FAM177B: variants seen among roughly 807,000 people sequenced by gnomAD.
FAM177B encodes the protein protein FAM177B.
A neutral mutation model predicts 16.1 loss-of-function variants in FAM177B; 16 were observed. The observed-to-expected ratio is 0.99, with a 90% CI of 0.67 to 1.51. The LOEUF (loss-of-function observed/expected upper bound fraction) is 1.51. FAM177B is among the 40% of genes most tolerant of loss of function. FAM177B has a pLI of 0.00. For missense variants in FAM177B, 178 were observed against 183.7 expected (o/e 0.97, Z 0.18); for synonymous variants, 56 against 59.9 (o/e 0.93, Z 0.30).
At chr1:222,740,569 A>G (rs931726020) in intron 2 of FAM177B, among the ~76,000 whole-genome samples, 1 of 152,172 alleles carries the variant, frequency 6.6e-6, no homozygotes, top group Non-Finnish European at 1.5e-5. Flanking sequence ...TGCATACTTC[A>G]CAACGTATCT....
At chr1:222,745,099 T>C (rs1273998103) in intron 2 of FAM177B, among the ~76,000 whole-genome samples, 1 of 152,242 alleles carries the variant, frequency 6.6e-6, no homozygotes, top group African/African-American at 2.4e-5. Flanking sequence ...GTTACAAATA[T>C]TCATTGTTTA....
chr1:222,745,469 T>A (rs992366824), intron 2 of FAM177B, among the ~76,000 whole-genome samples: 3 of 151,958 alleles, frequency 2.0e-5, no homozygotes, highest in African/African-American at 7.3e-5. Flanking sequence ...TTTTTTTAAT[T>A]AGCCAGGCTT....
At position 222,746,734 on chromosome 1, in the gene FAM177B, T is replaced by C; in HGVS notation, c.174+15T>C. The stretch of plus-strand genomic sequence containing the variant: ...CACTTGACCCTGTAAGCTTAGTATA[T>C]CAATATTAGGGAACATGGTGGGGGA... On this transcript the variant is annotated intron_variant, in intron 3 of 5. Transcript: ENST00000445590. 1 of 1,590,814 alleles carries C rather than the reference T, an allele frequency of 6.3e-7. No individual in the cohort carries two copies. Among genetic ancestry groups the C allele is most frequent in the Non-Finnish European group, 8.6e-7 (1 of 1,164,780 alleles).
intron 4 of FAM177B, chr1:222,749,246 A>G (rs1644505660): frequency 5.9e-6 from 3 of 509,326 alleles, no homozygotes; most frequent in Non-Finnish European, 1.1e-5. Flanking sequence ...TAGTTTATAT[A>G]TAATCCCATA....
rs771042451 is a variant in FAM177B, at chr1:222,746,588, G to A, written c.43G>A (p.Val15Ile). 20 of 1,611,000 alleles carry A rather than the reference G, an allele frequency of 1.2e-5. No individual in the cohort carries two copies. The highest frequency in any genetic ancestry group is 1.7e-5 in the Non-Finnish European group (20 of 1,177,426). ...CCAGCAGTTAGACCTAGAGAAGAGT[G>A]TACCTTCCAAAAAGACTACTCCTAA... Reference protein sequence around the residue: ...GFQQLDLEKSVPSKKTTPKRI... With the variant: ...GFQQLDLEKSIPSKKTTPKRI... Residue 15 changes from valine to isoleucine, a missense_variant, in exon 3 of 6, where the codon GTA becomes ATA. Coordinates refer to ENST00000445590, the MANE Select transcript of FAM177B (RefSeq NM_001394345.1).
chr1:222,745,108 T>C (rs539932765), intron 2 of FAM177B, among the ~76,000 whole-genome samples: 2 of 152,358 alleles, frequency 1.3e-5, no homozygotes, highest in South Asian at 2.1e-4. Context: ...ATTCATTGTT[T>C]ATTACTTTTA....
At position 222,744,028 on chromosome 1, in the gene FAM177B, C is replaced by G. The variant is rs556822532; in HGVS notation, c.-15-2503C>G. On this transcript the variant is annotated intron_variant, in intron 2 of 5. Transcript: ENST00000445590. ...CTCTCATCTCTATCCCTAGGTCTCTCTCTTTTTTCTGCTTCCTTAGTGTAC... is the reference window on the plus strand; with the variant it reads ...CTCTCATCTCTATCCCTAGGTCTCTGTCTTTTTTCTGCTTCCTTAGTGTAC... Among the ~76,000 whole-genome samples the G allele has an allele frequency of 5.3e-5, 8 of 152,276 alleles. No individual in the cohort carries two copies. In the South Asian group the frequency reaches 1.0e-3, roughly 20 times the overall value.
chr1:222,741,928 C>CTCTCTCTTTCTT (rs1553304203), intron 2 of FAM177B, among the ~76,000 whole-genome samples: 1 of 84,718 alleles, frequency 1.2e-5, no homozygotes, highest in African/African-American at 6.2e-5. Flanking sequence ...CTCTCTCTCT[C>CTCTCTCTTTCTT]TCTTTCTTTC....
Position 222,746,625 on chromosome 1 carries a change from A to G in FAM177B, c.80A>G (p.His27Arg), listed in dbSNP as rs2125064131. ...AAGACTACTCCTAAAAGGATTATCC[A>G]TTTTGTTGACGGAGACATCATGGAA... ...SKKTTPKRII[H>R]FVDGDIMEEY... Residue 27 changes from histidine to arginine, a missense_variant, in exon 3 of 6, where the codon CAT becomes CGT. Coordinates refer to ENST00000445590, the MANE Select transcript of FAM177B (RefSeq NM_001394345.1). 1 of 1,612,372 alleles carries G rather than the reference A, an allele frequency of 6.2e-7. No individual in the cohort carries two copies. Among genetic ancestry groups the G allele is most frequent in the Non-Finnish European group, 8.5e-7 (1 of 1,178,362 alleles).
rs759847391 is a variant in FAM177B at position 222,749,912 on chromosome 1, C to T, written c.340-9C>T. On this transcript the variant is annotated splice_polypyrimidine_tract_variant and intron_variant, in intron 5 of 5. Coordinates refer to ENST00000445590, the MANE Select transcript of FAM177B (RefSeq NM_001394345.1). The stretch of plus-strand genomic sequence containing the variant: ...CAGTTAAACATTTCCTTATTTCTCT[C>T]CAAAACAGAAAAGTGACAACAAAAG... 9 of 1,613,752 alleles carry T rather than the reference C, an allele frequency of 5.6e-6. No individual in the cohort carries two copies. In the African/African-American group the frequency reaches 1.2e-4, roughly 22 times the overall value.
At chr1:222,746,151 CAT>C (rs1658786124) in intron 2 of FAM177B, among the ~76,000 whole-genome samples, 1 of 152,144 alleles carries the variant, frequency 6.6e-6, no homozygotes, top group Admixed American at 6.5e-5. Flanking sequence ...ATACTTTGCA[CAT>C]GTTTTCTCCT....
intron 4 of FAM177B, among the ~76,000 whole-genome samples, chr1:222,748,471 A>G (rs1036176028): frequency 5.3e-5 from 8 of 152,116 alleles, no homozygotes; most frequent in Admixed American, 2.6e-4. Context: ...GCAGTGGTAA[A>G]ATGCTCCTGA....
intron 2 of FAM177B, among the ~76,000 whole-genome samples, chr1:222,739,229 T>G (rs548579168): frequency 3.3e-5 from 5 of 152,280 alleles, no homozygotes; most frequent in African/African-American, 1.2e-4. Context: ...TATTTAAGCT[T>G]TTTAGCTTGG....
intron 2 of FAM177B, among the ~76,000 whole-genome samples, chr1:222,739,159 G>A (rs1224535161): frequency 6.6e-6 from 1 of 152,154 alleles, no homozygotes. Flanking sequence ...AATTTGGACA[G>A]TCTTAAGAGG....
At chr1:222,743,487 A>G (rs1294208897) in intron 2 of FAM177B, among the ~76,000 whole-genome samples, 1 of 151,958 alleles carries the variant, frequency 6.6e-6, no homozygotes, top group African/African-American at 2.4e-5. Context: ...GATTCAGTAT[A>G]CCCTGTCTTG....
At chr1:222,747,134 T>C in intron 4 of FAM177B, 53 bp downstream of exon 4, 1 of 1,216,626 alleles carries the variant, frequency 8.2e-7, no homozygotes, top group Non-Finnish European at 1.2e-6. Flanking sequence ...TATATATCGA[T>C]AGGCCCTCAG....
At chr1:222,749,671 A>G in intron 5 of FAM177B, 109 bp downstream of exon 5, 1 of 740,536 alleles carries the variant, frequency 1.4e-6, no homozygotes, top group East Asian at 2.5e-5. Flanking sequence ...ATGTACTATA[A>G]TTTCACCAAG....
chr1:222,746,886 G>A (rs1658823164), intron 3 of FAM177B, 129 bp from the exon 4 acceptor site: 2 of 894,162 alleles, frequency 2.2e-6, no homozygotes, highest in South Asian at 1.6e-5. Context: ...TAATCATCTT[G>A]GTCTCTTCAT....
intron 3 of FAM177B, 98 bp from the exon 4 acceptor site, chr1:222,746,917 C>T: frequency 2.1e-6 from 2 of 962,806 alleles, no homozygotes; most frequent in South Asian, 2.7e-5. Flanking sequence ...GAAAATGGAA[C>T]ATATTATATA....
Sources: allele counts gnomAD v4.1 joint callset (sites outside exome capture counted in the v4.1 genomes callset), GRCh38; gene constraint gnomAD v4.1.1; transcripts MANE v1.5; gene names NCBI Gene and HGNC (gene_info 2026-07-23, HGNC 2026-07-21).